The following LSM14B variants were observed in gnomAD, a reference collection of about 807,000 sequenced individuals.
LSM14B encodes the protein protein LSM14 homolog B.
LSM14B carries 8 observed loss-of-function variants against 42.1 expected under a neutral mutation model. That is an observed-to-expected ratio of 0.19 (90% CI 0.11 to 0.34). The LOEUF is 0.34. LSM14B is among the 10% of genes least tolerant of loss of function. LSM14B has a pLI of 1.00. For synonymous variants in LSM14B, 219 were observed against 209.7 expected (o/e 1.04, Z -0.38); for missense variants, 396 against 513.1 (o/e 0.77, Z 2.21).
intron 7 of LSM14B, 33 bp downstream of exon 7, chr20:62,131,539 C>CT: frequency 6.2e-7 from 1 of 1,607,662 alleles, no homozygotes; most frequent in Non-Finnish European, 8.5e-7. Context: ...GGAGGACAGT[C>CT]CTCCAATCTA....
chr20:62,127,603 C>A, intron 3 of LSM14B: 1 of 1,551,072 alleles, frequency 6.4e-7, no homozygotes, highest in Non-Finnish European at 8.7e-7. Context: ...GTAAGCCCTC[C>A]AGCCTCAGCC....
chr20:62,129,926 C>A lies in LSM14B; in HGVS notation c.569C>A (p.Ala190Asp). The change falls in exon 4 of 9, where the codon GCC becomes GAC. Residue 190 changes from alanine to aspartate, a missense_variant. Physicochemically the swap from Ala to Asp is moderately radical, Grantham distance 126. This residue lies in a region of LSM14B where 274 missense variants were observed against 335.8 expected (regional missense o/e 0.82). Coordinates refer to ENST00000279068, the MANE Select transcript of LSM14B (RefSeq NM_144703.3). ...TTGTQLNGRQAQPSSKTASDV... is the reference protein window; with the variant it reads ...TTGTQLNGRQDQPSSKTASDV... ...GGGACGCAGCTCAACGGTCGTCAGG[C>A]CCAGCCGAGCAGCAAGACGGCCAGC... 2 of 1,613,164 alleles carry A rather than the reference C, an allele frequency of 1.2e-6. No homozygotes were observed. Among genetic ancestry groups the A allele is most frequent in the Non-Finnish European group, 1.7e-6 (2 of 1,179,676 alleles).
chr20:62,130,390 G>T lies in LSM14B; in HGVS notation c.673+94G>T, dbSNP rs948472001. On this transcript the variant is annotated intron_variant, in intron 5 of 8. Transcript: ENST00000279068. This position sits in a 1 kb window ranked among gnomAD's most constrained non-coding sequence, Gnocchi z 4.1. ...CCTGCTTCTCTGGTTGACGGTTTCA[G>T]GGGTGCTGGTGTGAAGTCGCTGCTT... 5.9e-6 allele frequency: 9 copies of T among 1,531,214 alleles called. No homozygotes were observed. In the Admixed American group the frequency reaches 1.2e-4, roughly 20 times the overall value. 94.9% of individuals were successfully genotyped at this position (1,531,214 alleles called of 1,614,324 possible). A position where few individuals can be genotyped will look rare whatever the true frequency, so the allele number is the denominator to read the frequency against.
intron 7 of LSM14B, among the ~76,000 whole-genome samples, chr20:62,132,725 G>T (rs2145641857): frequency 6.6e-6 from 1 of 152,316 alleles, no homozygotes; most frequent in South Asian, 2.1e-4. Flanking sequence ...GTGTGCTGCT[G>T]GAGCTGTTGT....
intron 3 of LSM14B, chr20:62,129,024 T>C (rs1568710076): frequency 7.7e-7 from 1 of 1,300,194 alleles, no homozygotes. Flanking sequence ...AGGGAGGAGA[T>C]GGAGAGAGGT....
rs115141382 is a variant in LSM14B, at chr20:62,131,653, G to A, written c.986+147G>A. 3.3e-4 allele frequency: 345 copies of A among 1,051,884 alleles called. No homozygotes were observed. In the African/African-American group the frequency reaches 4.5e-3, roughly 14 times the overall value. The allele number at this position is 1,051,884 out of a possible 1,614,324, so 65.2% of individuals were successfully genotyped here. A position where few individuals can be genotyped will look rare whatever the true frequency, so the allele number is the denominator to read the frequency against. On this transcript the variant is annotated intron_variant, in intron 7 of 8. Transcript: ENST00000279068. ...CTTGCGTTTCTGCATGATGGGTGCC[G>A]GAGTCCCAGCAGGTTGCGTGTGGGA...
rs1407573593 is a variant in LSM14B at position 62,122,786 on chromosome 20, C to G, written c.120C>G (p.Leu40=). 17 of 1,501,906 alleles carry G rather than the reference C, an allele frequency of 1.1e-5. No individual in the cohort carries two copies. The highest frequency in any genetic ancestry group is 1.5e-5 in the African/African-American group (1 of 68,652). The allele number at this position is 1,501,906 out of a possible 1,614,324, so 93.0% of individuals were successfully genotyped here. ...ACACCGACAACTCCACCGTGGCGCT[C>G]GCCAAAGGTAGCGGCCGCCGCCCGC... ...TIDTDNSTVA[L]AKVRSFGTED... The change falls in exon 1 of 9, where the codon CTC becomes CTG. Residue 40 remains leucine (L), a synonymous_variant. Coordinates refer to ENST00000279068, the MANE Select transcript of LSM14B (RefSeq NM_144703.3). This position sits in a 1 kb window ranked among gnomAD's most constrained non-coding sequence, Gnocchi z 4.6.
rs574277825 is a variant in LSM14B, at chr20:62,127,541, T to C, written c.427+1102T>C. 578 of 1,353,858 alleles carry C rather than the reference T, an allele frequency of 4.3e-4. 3 individuals are homozygous for C. In the African/African-American group the frequency reaches 5.9e-3, roughly 14 times the overall value. The allele number at this position is 1,353,858 out of a possible 1,614,324, so 83.9% of individuals were successfully genotyped here. Reference sequence around the variant, plus strand: ...CACAAGACAAGTGTATCCTGACTTATTTGTGTGCTTTCTTTTTGCTCTTTC... The same window carrying C: ...CACAAGACAAGTGTATCCTGACTTACTTGTGTGCTTTCTTTTTGCTCTTTC... On this transcript the variant is annotated intron_variant, in intron 3 of 8. Coordinates refer to ENST00000279068, the MANE Select transcript of LSM14B (RefSeq NM_144703.3).
chr20:62,124,819 A>T, intron 2 of LSM14B, 39 bp downstream of exon 2: 5 of 1,569,654 alleles, frequency 3.2e-6, no homozygotes, highest in Non-Finnish European at 4.3e-6. Flanking sequence ...GCTGTAGGAG[A>T]TGCTGGTTTC....
intron 3 of LSM14B, among the ~76,000 whole-genome samples, chr20:62,128,514 A>G (rs947570597): frequency 6.6e-6 from 1 of 152,180 alleles, no homozygotes; most frequent in Non-Finnish European, 1.5e-5. Flanking sequence ...CCACTTAAAA[A>G]TGACACAGAT....
intron 2 of LSM14B, among the ~76,000 whole-genome samples, chr20:62,125,300 TAAGG>T (rs1326036822): frequency 2.6e-5 from 4 of 152,236 alleles, no homozygotes; most frequent in Non-Finnish European, 5.9e-5. Flanking sequence ...ACGTGGCTCT[TAAGG>T]AAGGCGACCT....
chr20:62,123,936 A>C (rs566692409), intron 1 of LSM14B, among the ~76,000 whole-genome samples: 1 of 152,202 alleles, frequency 6.6e-6, no homozygotes, highest in Non-Finnish European at 1.5e-5. Flanking sequence ...GAGTAGGCCC[A>C]GGAGTTAGCA....
chr20:62,122,891 C>T lies in LSM14B; in HGVS notation c.127+98C>T, dbSNP rs1349813427. On this transcript the variant is annotated intron_variant, in intron 1 of 8. Transcript: ENST00000279068. The surrounding 1 kb of genome is among the most constrained non-coding windows in gnomAD (Gnocchi z 4.6). ...CCCCGGGGCGCCCCGGAGCCTGGCG[C>T]CCAGACCCCGCCCAGAACCCACCCA... The T allele has an allele frequency of 1.8e-6, 2 of 1,133,784 alleles. No individual in the cohort carries two copies. The highest frequency in any genetic ancestry group is 3.4e-5 in the African/African-American group (2 of 59,410). The allele number at this position is 1,133,784 out of a possible 1,614,324, so 70.2% of individuals were successfully genotyped here.
rs766117391 is a variant in LSM14B, at chr20:62,129,970, T to A, written c.595+18T>A. 24 of 1,590,532 alleles carry A rather than the reference T, an allele frequency of 1.5e-5. No individual in the cohort carries two copies. The East Asian group carries it at 5.4e-4, about 36-fold the overall frequency. On this transcript the variant is annotated intron_variant, in intron 4 of 8. Coordinates refer to ENST00000279068, the MANE Select transcript of LSM14B (RefSeq NM_144703.3). ...GGCCAGCGGTACTTGAACACATCAT[T>A]TCCTGGAGTTTGCTTGATGTTCTAA...
At chr20:62,133,260 G>A (rs1224780134) in intron 7 of LSM14B, 30 bp from the exon 8 acceptor site, 1 of 1,609,656 alleles carries the variant, frequency 6.2e-7, no homozygotes, top group South Asian at 1.1e-5. Flanking sequence ...GTCAGTGCCT[G>A]CTACAATCAG....
intron 3 of LSM14B, chr20:62,128,860 A>C (rs1600932648): frequency 5.3e-6 from 5 of 945,632 alleles, no homozygotes; most frequent in East Asian, 6.2e-5. Context: ...AAAAGCAGTA[A>C]GATGAGATGC....
Position 62,125,337 on chromosome 20 carries a change from G to A in LSM14B, c.291+557G>A, listed in dbSNP as rs7266233. Reference sequence around the variant, plus strand: ...CCTGGGGAGTTGGGTGTGCATGTGCGCGTGTGTAGTGTAGTGTGGTATGAG... The same window carrying A: ...CCTGGGGAGTTGGGTGTGCATGTGCACGTGTGTAGTGTAGTGTGGTATGAG... On this transcript the variant is annotated intron_variant, in intron 2 of 8. Transcript: ENST00000279068. Among the ~76,000 whole-genome samples the A allele has an allele frequency of 1.7e-3, 261 of 152,322 alleles. 1 individual carries two copies. The highest frequency in any genetic ancestry group is 6.0e-3 in the African/African-American group (248 of 41,566).
At position 62,122,888 on chromosome 20, in the gene LSM14B, G is replaced by A; in HGVS notation, c.127+95G>A. 8.6e-7 allele frequency: 1 copy of A among 1,161,840 alleles called. No homozygotes were observed. The highest frequency in any genetic ancestry group is 1.1e-6 in the Non-Finnish European group (1 of 917,852). The allele number at this position is 1,161,840 out of a possible 1,614,324, so 72.0% of individuals were successfully genotyped here. ...CCGCCCCGGGGCGCCCCGGAGCCTG[G>A]CGCCCAGACCCCGCCCAGAACCCAC... On this transcript the variant is annotated intron_variant, in intron 1 of 8. Coordinates refer to ENST00000279068, the MANE Select transcript of LSM14B (RefSeq NM_144703.3). This position sits in a 1 kb window ranked among gnomAD's most constrained non-coding sequence, Gnocchi z 4.6.
In LSM14B at chr20:62,133,309, G is replaced by T. The variant is rs759978630; in HGVS notation, c.1006G>T (p.Ala336Ser). ...GTTTAGCTCCAGGCGGACGACGTGG[G>T]CCGAAGAGAGGAAGCTCAACACAGA... ...LKTSSRRTTWAEERKLNTETF... is the reference protein window; with the variant it reads ...LKTSSRRTTWSEERKLNTETF... Residue 336 changes from alanine to serine, a missense_variant, in exon 8 of 9, where the codon GCC becomes TCC. Physicochemically the swap from Ala to Ser is moderately conservative, Grantham distance 99. Around this residue, in one of 3 missense-constraint regions of LSM14B, gnomAD observed 118 missense variants for 156.4 expected, o/e 0.75. Coordinates refer to ENST00000279068, the MANE Select transcript of LSM14B (RefSeq NM_144703.3). 44 of 1,613,384 alleles carry T rather than the reference G, an allele frequency of 2.7e-5. No homozygotes were observed. The highest frequency in any genetic ancestry group is 3.5e-5 in the Non-Finnish European group (41 of 1,179,648).
Sources: allele counts gnomAD v4.1 joint callset (sites outside exome capture counted in the v4.1 genomes callset), GRCh38; gene constraint gnomAD v4.1.1; regional missense constraint gnomAD v4.1.1; non-coding constraint Gnocchi (gnomAD v3.1); transcripts MANE v1.5; gene names NCBI Gene and HGNC (gene_info 2026-07-23, HGNC 2026-07-21).